RANBP17: variants seen among roughly 807,000 people sequenced by gnomAD.
RANBP17 encodes the protein ran-binding protein 17.
RANBP17 carries 158 observed loss-of-function variants against 141.2 expected under a neutral mutation model. The ratio of observed to expected loss-of-function variants is 1.12; its 90% confidence interval spans 0.98 to 1.28. RANBP17 has a LOEUF of 1.28. Ranked by LOEUF, RANBP17 falls within the 50% of genes most tolerant of loss-of-function variation. The pLI, the probability that RANBP17 is intolerant of heterozygous loss-of-function variation, is 0.00. For synonymous variants in RANBP17, 430 were observed against 450.0 expected, an observed-to-expected ratio of 0.96 and a Z score of 0.56; for missense variants, 1,438 against 1,290.7, an observed-to-expected ratio of 1.11 and a Z score of -1.75.
chr5:171,046,457 C>T (rs938521802), intron 14 of RANBP17, among the ~76,000 whole-genome samples: 1 of 152,026 alleles, frequency 6.6e-6, no homozygotes, highest in African/African-American at 2.4e-5. Context: ...ATCTGCCTGC[C>T]TCAGCCTCCC....
intron 14 of RANBP17, among the ~76,000 whole-genome samples, chr5:171,090,653 GA>G (rs56188053): frequency 0.63 from 94,523 of 150,208 alleles, 30,565 homozygotes; most frequent in South Asian, 0.88. Flanking sequence ...AGGTTTAGGA[GA>G]AAAAAAAAAA....
intron 12 of RANBP17, among the ~76,000 whole-genome samples, chr5:170,949,987 C>T (rs561652736): frequency 6.6e-6 from 1 of 152,226 alleles, no homozygotes; most frequent in African/African-American, 2.4e-5. Flanking sequence ...CAAGAACATA[C>T]ATTGGGGAAA....
intron 14 of RANBP17, among the ~76,000 whole-genome samples, chr5:171,031,791 G>A (rs1177452847): frequency 6.6e-6 from 1 of 151,872 alleles, no homozygotes; most frequent in East Asian, 1.9e-4. Context: ...TTCTTTTGGT[G>A]GTGTCTTGCC....
chr5:171,258,146 CACACACACACACA>C (rs1766040843), intron 24 of RANBP17, among the ~76,000 whole-genome samples: 9 of 150,672 alleles, frequency 6.0e-5, no homozygotes, highest in African/African-American at 2.2e-4. Flanking sequence ...CACACACACA[CACACACACACACA>C]CCCCTAGGAA....
intron 14 of RANBP17, among the ~76,000 whole-genome samples, chr5:171,155,094 AATATATATAT>A (rs1554106866): frequency 1.3e-5 from 1 of 74,960 alleles, no homozygotes; most frequent in African/African-American, 5.2e-5. Context: ...AAAAAAAAAA[AATATATATAT>A]ATATATATAT....
intron 3 of RANBP17, among the ~76,000 whole-genome samples, chr5:170,888,118 G>GTCT (rs1769303984): frequency 6.6e-6 from 1 of 152,166 alleles, no homozygotes. Flanking sequence ...GGTAGTGTCA[G>GTCT]TCTTCCAACT....
intron 14 of RANBP17, among the ~76,000 whole-genome samples, chr5:171,038,816 T>A (rs1407441168): frequency 6.6e-6 from 1 of 152,200 alleles, no homozygotes; most frequent in African/African-American, 2.4e-5. Context: ...GAAGCTTACT[T>A]GTTCCTGGTG....
At chr5:170,956,109 T>C (rs1255741532) in intron 13 of RANBP17, among the ~76,000 whole-genome samples, 1 of 151,880 alleles carries the variant, frequency 6.6e-6, no homozygotes, top group Non-Finnish European at 1.5e-5. Context: ...CATATGTTTT[T>C]TCCAAATTTT....
rs747989648 is a variant in RANBP17, at chr5:171,241,047, T to C, written c.2542T>C (p.Phe848Leu). ...TGCCTTGTGTGGAAATTATGTCAGC[T>C]TTGGCGTCTTCAAGTTGTATGGGGA... ...KSALCGNYVS[F>L]GVFKLYGDNH... The change falls in exon 23 of 28, where the codon TTT becomes CTT. Residue 848 changes from phenylalanine to leucine, a missense_variant. By Grantham distance (22) the Phe-to-Leu change is conservative. Coordinates refer to ENST00000523189, the MANE Select transcript of RANBP17 (RefSeq NM_022897.5). 1.2e-6 allele frequency: 2 copies of C among 1,613,982 alleles called. No individual in the cohort carries two copies. Among genetic ancestry groups the C allele is most frequent in the Non-Finnish European group, 1.7e-6 (2 of 1,179,902 alleles).
chr5:170,967,230 G>A (rs1776636513), intron 13 of RANBP17, among the ~76,000 whole-genome samples: 1 of 152,072 alleles, frequency 6.6e-6, no homozygotes, highest in Non-Finnish European at 1.5e-5. Flanking sequence ...GTTGGGAGGA[G>A]AATCTGTAGT....
intron 14 of RANBP17, among the ~76,000 whole-genome samples, chr5:171,033,555 A>T (rs755869844): frequency 1.3e-5 from 2 of 152,088 alleles, no homozygotes; most frequent in African/African-American, 2.4e-5. Flanking sequence ...AAAAATTTAT[A>T]TGTAAAGTGT....
chr5:171,221,931 T>G, intron 22 of RANBP17, 91 bp downstream of exon 22: 1 of 841,274 alleles, frequency 1.2e-6, no homozygotes, highest in South Asian at 1.6e-5. Context: ...TTTTGAACTT[T>G]CATATCTTTA....
chr5:170,975,295 G>A (rs193003740), intron 14 of RANBP17, among the ~76,000 whole-genome samples: 2,507 of 152,272 alleles, frequency 0.016, 29 homozygotes, highest in Middle Eastern at 0.031. Flanking sequence ...TTGGGAGGCC[G>A]AGGTGGGTAG....
At chr5:170,890,277 ATCT>A (rs1442022952) in intron 3 of RANBP17, among the ~76,000 whole-genome samples, 6 of 152,224 alleles carry the variant, frequency 3.9e-5, no homozygotes, top group South Asian at 2.1e-4. Context: ...AAGCAGTGTC[ATCT>A]TCTTATGTTT....
chr5:171,000,335 A>G lies in RANBP17; in HGVS notation c.1710+31958A>G, dbSNP rs149188401. ...TTCTACAGCAGTTGTACCACTTAAT[A>G]TTTCCACCAGCATTGCACAAGGATT... On this transcript the variant is annotated intron_variant, in intron 14 of 27. Coordinates refer to ENST00000523189, the MANE Select transcript of RANBP17 (RefSeq NM_022897.5). 3.9e-5 allele frequency among the ~76,000 whole-genome samples: 6 copies of G among 152,232 alleles called. No homozygotes were observed. In the East Asian group the frequency reaches 1.2e-3, roughly 29 times the overall value.
intron 14 of RANBP17, among the ~76,000 whole-genome samples, chr5:170,998,244 A>G (rs1407609023): frequency 6.6e-6 from 1 of 152,098 alleles, no homozygotes. Context: ...GGAATATTTT[A>G]TTGTTATGTG....
intron 24 of RANBP17, 41 bp from the exon 25 acceptor site, chr5:171,265,640 C>A: frequency 6.7e-7 from 1 of 1,487,472 alleles, no homozygotes; most frequent in Non-Finnish European, 9.0e-7. Flanking sequence ...GGAGCAAAAA[C>A]TTAAGTAATG....
intron 5 of RANBP17, among the ~76,000 whole-genome samples, chr5:170,904,834 T>G (rs1402196980): frequency 6.6e-6 from 1 of 152,172 alleles, no homozygotes. Context: ...TCTATTTAAA[T>G]TCTCCTGATT....
At chr5:171,218,099 T>C (rs997291275) in intron 21 of RANBP17, among the ~76,000 whole-genome samples, 1 of 152,228 alleles carries the variant, frequency 6.6e-6, no homozygotes. Context: ...CTCTTTGTTC[T>C]CATTGGTTTT....
Sources: gnomAD v4.1 joint callset for allele counts (sites outside exome capture counted in the v4.1 genomes callset) on GRCh38, gnomAD v4.1.1 for gene constraint, MANE v1.5 for transcripts, NCBI Gene and HGNC (gene_info 2026-07-23, HGNC 2026-07-21) for gene names.